The following GLT8D2 variants were observed in gnomAD, a reference collection of about 807,000 sequenced individuals.
GLT8D2 encodes the protein glycosyltransferase 8 domain containing 2, also known as glycosyltransferase 8 domain-containing protein 2.
Under a neutral mutation model 44.5 loss-of-function variants are expected in GLT8D2, and 45 were observed. The ratio of observed to expected loss-of-function variants is 1.01; its 90% CI spans 0.80 to 1.30. The LOEUF is 1.30. Ranked by LOEUF, GLT8D2 falls within the 50% of genes most tolerant of loss-of-function variation. GLT8D2 has a pLI of 0.00. For synonymous variants in GLT8D2, 156 were observed against 157.2 expected (o/e 0.99, Z 0.06); for missense variants, 400 against 430.4 (o/e 0.93, Z 0.62).
chr12:104,019,756 C>G (rs1395028756), intron 2 of GLT8D2, 80 bp from the exon 3 acceptor site: 3 of 834,288 alleles, frequency 3.6e-6, no homozygotes, highest in Non-Finnish European at 5.8e-6. Flanking sequence ...ACTATGCCTT[C>G]CCTGAAAGAC....
chr12:104,050,823 T>TA (rs1881643611), upstream of GLT8D2, among the ~76,000 whole-genome samples: 1 of 151,302 alleles, frequency 6.6e-6, no homozygotes, highest in Non-Finnish European at 1.5e-5. Context: ...TTTTACTTTT[T>TA]TTTTTTTTTG....
At chr12:103,992,317 C>T (rs1008342447) in intron 10 of GLT8D2, among the ~76,000 whole-genome samples, 3 of 152,202 alleles carry the variant, frequency 2.0e-5, no homozygotes, top group African/African-American at 7.2e-5. Context: ...ACAGAGTCAA[C>T]TGCTTTTTAA....
At chr12:104,029,248 C>T (rs1878945629) in intron 1 of GLT8D2, among the ~76,000 whole-genome samples, 1 of 152,090 alleles carries the variant, frequency 6.6e-6, no homozygotes, top group African/African-American at 2.4e-5. Flanking sequence ...CGAGATTGCA[C>T]CACTGTACTC....
In GLT8D2 at chr12:104,045,937, A is replaced by AAAG. The variant is rs1881085475; in HGVS notation, c.-164+3957_-164+3958insCTT. 7.0e-5 allele frequency among the ~76,000 whole-genome samples: 8 copies of AAAG among 113,638 alleles called. No individual in the cohort carries two copies. In the East Asian group the frequency reaches 2.1e-3, roughly 29 times the overall value. 74.6% of individuals were successfully genotyped at this position (113,638 alleles called of 152,430 possible). A position where few individuals can be genotyped will look rare whatever the true frequency, so the allele number is the denominator to read the frequency against. ...AAAGAAAGAAAGAAAGAAAGAAAGA[A>AAAG]AAAGAAAGAAAGAAAGAAAATAAGA... is the stretch of plus-strand genomic sequence containing the variant. On this transcript the variant is annotated intron_variant, in intron 1 of 10. Coordinates refer to ENST00000360814, the MANE Select transcript of GLT8D2 (RefSeq NM_001384711.1).
chr12:104,061,898 C>T (rs1882679264), intron 1 of GLT8D2, among the ~76,000 whole-genome samples: 1 of 149,930 alleles, frequency 6.7e-6, no homozygotes, highest in African/African-American at 2.5e-5. Context: ...ATTGCTTGAA[C>T]CTAGGAGGTG....
At chr12:104,031,524 A>G in intron 1 of GLT8D2, 3 of 1,612,610 alleles carry the variant, frequency 1.9e-6, no homozygotes, top group Non-Finnish European at 2.5e-6. Flanking sequence ...GTGGCTGCCC[A>G]GGGCAAGGCC....
intron 4 of GLT8D2, chr12:104,014,208 A>G: frequency 1.1e-5 from 7 of 665,828 alleles, no homozygotes; most frequent in Non-Finnish European, 1.6e-5. Context: ...ACAAAAAATT[A>G]GCTGGGCGTG....
Position 104,015,043 on chromosome 12 carries a change from G to T in GLT8D2, c.82C>A (p.His28Asn). Residue 28 changes from histidine to asparagine, a missense_variant, in exon 4 of 11, where the codon CAT (histidine) becomes AAT (asparagine). Coordinates refer to ENST00000360814, the MANE Select transcript of GLT8D2 (RefSeq NM_001384711.1). ...TLCVILYKKV[H>N]KGTVPKNDAD... ...TCATTCTTGGGCACAGTCCCCTTAT[G>T]AACTTTCTTATACAGAATCACACAG... 1 of 1,613,608 alleles carries T rather than the reference G, an allele frequency of 6.2e-7. No homozygotes were observed. The highest frequency in any genetic ancestry group is 1.1e-5 in the South Asian group (1 of 91,032).
intron 1 of GLT8D2, among the ~76,000 whole-genome samples, chr12:104,032,912 T>C (rs538870885): frequency 6.6e-6 from 1 of 150,854 alleles, no homozygotes; most frequent in Non-Finnish European, 1.5e-5. Flanking sequence ...TGATTCGTTA[T>C]ATCGTCACCT....
rs1287708031 is a variant in GLT8D2 at position 104,003,274 on chromosome 12, C to A, written c.145G>T (p.Glu49Ter). ...GCACAAATCACCACAGGAATCTCTT[C>A]TTCCAGTTCTTCAGGAGTCTCGGAT... Reference protein sequence around the residue: ...DESETPEELEEEIPVVICAAA... With the variant: ...DESETPEELE Residue 49 changes from glutamate to a stop codon, truncating the protein, a stop_gained, in exon 5 of 11, where the codon GAA becomes TAA. Transcript: ENST00000360814. LOFTEE classifies it high-confidence loss of function. The A allele has an allele frequency of 6.2e-7, 1 of 1,614,130 alleles. No homozygotes were observed. Among genetic ancestry groups the A allele is most frequent in the Non-Finnish European group, 8.5e-7 (1 of 1,179,992 alleles).
At chr12:103,997,696 TGCCCAACTTATCTGAG>T (rs1253973356) in intron 6 of GLT8D2, among the ~76,000 whole-genome samples, 161 bp from the exon 7 acceptor site, 1 of 152,118 alleles carries the variant, frequency 6.6e-6, no homozygotes, top group Non-Finnish European at 1.5e-5. Context: ...AGCTTCCCAG[TGCCCAACTTATCTGAG>T]GCCTGGGGCT....
At position 103,996,794 on chromosome 12, in the gene GLT8D2, A is replaced by G; in HGVS notation, c.541T>C (p.Phe181Leu). The G allele has an allele frequency of 6.2e-7, 1 of 1,614,180 alleles. No individual in the cohort carries two copies. Among genetic ancestry groups the G allele is most frequent in the Non-Finnish European group, 8.5e-7 (1 of 1,180,006 alleles). The change falls in exon 8 of 11, where the codon TTC (phenylalanine) becomes CTC (leucine). Residue 181 changes from phenylalanine (F) to leucine (L), a missense_variant. Transcript: ENST00000360814. Reference sequence around the variant, plus strand: ...GAGGGCAAATCGCAGTCATCTGAGAAAGCCGCCGCGTGGCCCAGGGCCAAG... The same window carrying G: ...GAGGGCAAATCGCAGTCATCTGAGAGAGCCGCCGCGTGGCCCAGGGCCAAG... ...TTLALGHAAAFSDDCDLPSAQ... is the reference protein window; with the variant it reads ...TTLALGHAAALSDDCDLPSAQ...
intron 1 of GLT8D2, among the ~76,000 whole-genome samples, chr12:104,041,036 G>C (rs1880493159): frequency 6.6e-6 from 1 of 151,764 alleles, no homozygotes; most frequent in East Asian, 2.0e-4. Flanking sequence ...GGAGGCCTAG[G>C]TGGGCAGATC....
At chr12:104,033,026 C>T (rs1435101747) in intron 1 of GLT8D2, among the ~76,000 whole-genome samples, 1 of 152,034 alleles carries the variant, frequency 6.6e-6, no homozygotes, top group Admixed American at 6.5e-5. Context: ...AATACAGGTG[C>T]ACATCACCAT....
intron 1 of GLT8D2, among the ~76,000 whole-genome samples, chr12:104,023,659 G>C (rs184244820): frequency 3.3e-5 from 5 of 152,218 alleles, no homozygotes; most frequent in Admixed American, 2.0e-4. Context: ...AACACTCAAA[G>C]AATTCCCTTG....
rs1372349244 is a variant in GLT8D2, at chr12:104,003,171, T to C, written c.248A>G (p.Tyr83Cys). Residue 83 changes from tyrosine to cysteine, a missense_variant, in exon 5 of 11, where the codon TAT becomes TGT. By Grantham distance (194) the Tyr-to-Cys change is radical. Coordinates refer to ENST00000360814, the MANE Select transcript of GLT8D2 (RefSeq NM_001384711.1). ...YSNTDANILF[Y>C]VVGLRNTLTR... ...CAGAGTATTCCGGAGTCCCACTACA[T>C]AGAACAAGATGTTGGCGTCAGTGTT... 4.3e-6 allele frequency: 7 copies of C among 1,614,104 alleles called. No homozygotes were observed. Among genetic ancestry groups the C allele is most frequent in the Middle Eastern group, 1.7e-4 (1 of 6,060 alleles).
chr12:103,991,100 C>CAG (rs1335164860), intron 10 of GLT8D2, among the ~76,000 whole-genome samples: 1 of 152,320 alleles, frequency 6.6e-6, no homozygotes, highest in East Asian at 1.9e-4. Context: ...ACCTTCAGCA[C>CAG]AGATGGAAGC....
chr12:104,016,502 C>T (rs767035914), intron 3 of GLT8D2, among the ~76,000 whole-genome samples: 117 of 151,172 alleles, frequency 7.7e-4, no homozygotes, highest in Middle Eastern at 3.4e-3. Flanking sequence ...CCAGGTGTTG[C>T]GCATGCCTGT....
chr12:104,012,199 T>A lies in GLT8D2; in HGVS notation c.112+2814A>T, dbSNP rs1018068584. Among the ~76,000 whole-genome samples, 18 of 142,176 alleles carry A rather than the reference T, an allele frequency of 1.3e-4. No individual in the cohort carries two copies. In the East Asian group the frequency reaches 1.7e-3, roughly 13 times the overall value. 93.3% of individuals were successfully genotyped at this position (142,176 alleles called of 152,430 possible). Reference sequence around the variant, plus strand: ...AAAAAAAAAAAAAAAAATATATATATATATATATATATACCTTAAACACTT... The same window carrying A: ...AAAAAAAAAAAAAAAAATATATATAAATATATATATATACCTTAAACACTT... On this transcript the variant is annotated intron_variant, in intron 4 of 10. Transcript: ENST00000360814.
Sources: allele counts gnomAD v4.1 joint callset (sites outside exome capture counted in the v4.1 genomes callset), GRCh38; gene constraint gnomAD v4.1.1; transcripts MANE v1.5; gene names NCBI Gene and HGNC (gene_info 2026-07-23, HGNC 2026-07-21).